Variants in KCNK1 observed in about 807,000 individuals in gnomAD.
The protein encoded by KCNK1 is potassium channel subfamily K member 1.
KCNK1 carries 10 observed loss-of-function variants against 22.2 expected under a neutral mutation model. The observed-to-expected ratio is 0.45, with a 90% CI of 0.28 to 0.76. KCNK1 has a LOEUF of 0.76. Ranked by LOEUF, KCNK1 falls within the 30% of genes least tolerant of loss-of-function variation. The pLI is 0.14. For synonymous variants in KCNK1, 200 were observed against 186.4 expected (o/e 1.07, Z -0.60); for missense variants, 378 against 421.0 (o/e 0.90, Z 0.89).
At chr1:233,633,999 A>G (rs1188506150) in intron 1 of KCNK1, among the ~76,000 whole-genome samples, 2 of 152,158 alleles carry the variant, frequency 1.3e-5, no homozygotes, top group African/African-American at 4.8e-5. Context: ...AGAAATAGAC[A>G]CACACAATAA....
At chr1:233,656,067 C>T (rs978264523) in intron 1 of KCNK1, among the ~76,000 whole-genome samples, 6 of 152,160 alleles carry the variant, frequency 3.9e-5, no homozygotes, top group African/African-American at 9.7e-5. Context: ...TTTTGTGAGA[C>T]CATCAGTAAT....
chr1:233,667,083 GC>G, intron 2 of KCNK1, 93 bp downstream of exon 2: 2 of 1,087,196 alleles, frequency 1.8e-6, no homozygotes, highest in Non-Finnish European at 2.4e-6. Context: ...TCACTCTGTT[GC>G]CCAGGCTGGA....
At chr1:233,649,701 C>T (rs1237088004) in intron 1 of KCNK1, among the ~76,000 whole-genome samples, 1 of 152,108 alleles carries the variant, frequency 6.6e-6, no homozygotes, top group Non-Finnish European at 1.5e-5. Context: ...TATAAGGGCA[C>T]TAATCTCATT....
At chr1:233,665,314 T>C (rs1197219926) in intron 1 of KCNK1, among the ~76,000 whole-genome samples, 1 of 152,196 alleles carries the variant, frequency 6.6e-6, no homozygotes, top group African/African-American at 2.4e-5. Flanking sequence ...CATTTGTGCC[T>C]TTCCATAGTG....
intron 1 of KCNK1, among the ~76,000 whole-genome samples, chr1:233,659,498 A>G (rs984050164): frequency 1.3e-5 from 2 of 151,582 alleles, no homozygotes; most frequent in African/African-American, 2.4e-5. Flanking sequence ...ACAATCTAAA[A>G]TAATGATAAA....
intron 1 of KCNK1, among the ~76,000 whole-genome samples, chr1:233,662,814 G>GT (rs1301860482): frequency 6.6e-6 from 1 of 152,152 alleles, no homozygotes; most frequent in Non-Finnish European, 1.5e-5. Context: ...TTTGAGGTCA[G>GT]TTTTTTCAGC....
chr1:233,617,797 C>T (rs1455048361), intron 1 of KCNK1, among the ~76,000 whole-genome samples: 4 of 152,202 alleles, frequency 2.6e-5, no homozygotes, highest in African/African-American at 4.8e-5. Context: ...AAAATTAGCC[C>T]GGAGTGATGG....
chr1:233,644,168 C>T (rs192084652), intron 1 of KCNK1, among the ~76,000 whole-genome samples: 14 of 152,220 alleles, frequency 9.2e-5, no homozygotes, highest in African/African-American at 2.4e-4. Flanking sequence ...AGCAGAAGAG[C>T]GCTAGAATAA....
intron 2 of KCNK1, among the ~76,000 whole-genome samples, chr1:233,668,091 A>G (rs1658530976): frequency 6.6e-6 from 1 of 152,218 alleles, no homozygotes; most frequent in Non-Finnish European, 1.5e-5. Context: ...ATCCATTTTC[A>G]AGAAACTGTT....
In KCNK1 at chr1:233,671,549, T is replaced by C. The variant is rs1176798906; in HGVS notation, c.*19T>C. ...CCATTGAGCGTAGGATTTGTTGCAT[T>C]ATGCTAGAGCACCAGGGTCAGGGTG... On this transcript the variant is annotated 3_prime_UTR_variant, in exon 3 of 3. Coordinates refer to ENST00000366621, the MANE Select transcript of KCNK1 (RefSeq NM_002245.4). The C allele has an allele frequency of 1.2e-6, 2 of 1,613,422 alleles. No homozygotes were observed. Among genetic ancestry groups the C allele is most frequent in the Non-Finnish European group, 8.5e-7 (1 of 1,179,916 alleles).
intron 2 of KCNK1, among the ~76,000 whole-genome samples, chr1:233,670,143 T>TA (rs1478669417): frequency 6.6e-6 from 1 of 152,210 alleles, no homozygotes; most frequent in Admixed American, 6.5e-5. Context: ...AACTCATTTT[T>TA]AAAATGATGG....
At chr1:233,647,039 G>T (rs1329723171) in intron 1 of KCNK1, among the ~76,000 whole-genome samples, 1 of 152,110 alleles carries the variant, frequency 6.6e-6, no homozygotes, top group Non-Finnish European at 1.5e-5. Flanking sequence ...TTAAAATCTG[G>T]CATTTCTGAG....
chr1:233,655,020 C>T (rs891032454), intron 1 of KCNK1, among the ~76,000 whole-genome samples: 3 of 152,150 alleles, frequency 2.0e-5, no homozygotes, highest in African/African-American at 7.2e-5. Flanking sequence ...CCTGTAGAGT[C>T]ATAGACACGA....
Position 233,652,231 on chromosome 1 carries a change from T to A in KCNK1, c.356-14364T>A, listed in dbSNP as rs183928535. ...GGGTGGGTTAGATCTTTGGTTGTTG[T>A]CTTAGGTCCATTCTATCTCAGAGTA... On this transcript the variant is annotated intron_variant, in intron 1 of 2. Coordinates refer to ENST00000366621, the MANE Select transcript of KCNK1 (RefSeq NM_002245.4). Among the ~76,000 whole-genome samples, 15 of 152,262 alleles carry A rather than the reference T, an allele frequency of 9.9e-5. No individual in the cohort carries two copies. In the East Asian group the frequency reaches 2.1e-3, roughly 22 times the overall value.
chr1:233,615,148 C>G (rs1439310825), intron 1 of KCNK1, among the ~76,000 whole-genome samples: 1 of 152,238 alleles, frequency 6.6e-6, no homozygotes, highest in Non-Finnish European at 1.5e-5. Context: ...CAGGTGACCT[C>G]TGGGCGGACA....
At position 233,666,820 on chromosome 1, in the gene KCNK1, G is replaced by A. The variant is rs927148226; in HGVS notation, c.581G>A (p.Cys194Tyr). Residue 194 changes from cysteine (C) to tyrosine (Y), a missense_variant, in exon 2 of 3, where the codon TGC becomes TAC. Cys to Tyr is a radical substitution (Grantham distance 194). Coordinates refer to ENST00000366621, the MANE Select transcript of KCNK1 (RefSeq NM_002245.4). ...CTCCTTGGGTTTGTCACTGTGTCCTGCTTCTTCTTCATCCCGGCCGCTGTC... is the reference window on the plus strand; with the variant it reads ...CTCCTTGGGTTTGTCACTGTGTCCTACTTCTTCTTCATCCCGGCCGCTGTC... ...AVLLGFVTVS[C>Y]FFFIPAAVFS... 1 of 1,614,196 alleles carries A rather than the reference G, an allele frequency of 6.2e-7. No homozygotes were observed.
intron 1 of KCNK1, chr1:233,650,165 A>G (rs569250396): frequency 2.5e-6 from 1 of 404,570 alleles, no homozygotes; most frequent in Admixed American, 3.0e-5. Context: ...ATCTACTGAT[A>G]AGAATGTGAT....
intron 1 of KCNK1, among the ~76,000 whole-genome samples, chr1:233,616,080 C>A (rs964021195): frequency 2.6e-5 from 4 of 152,186 alleles, no homozygotes; most frequent in Non-Finnish European, 5.9e-5. Flanking sequence ...GTCCTCTGTT[C>A]CTCAGATCAT....
At chr1:233,654,202 G>A (rs192948228) in intron 1 of KCNK1, among the ~76,000 whole-genome samples, 4 of 151,822 alleles carry the variant, frequency 2.6e-5, no homozygotes, top group South Asian at 4.2e-4. Context: ...CCATCGGGGT[G>A]GGGGGGAAAG....
Sources: gnomAD v4.1 joint callset for allele counts (sites outside exome capture counted in the v4.1 genomes callset) on GRCh38, gnomAD v4.1.1 for gene constraint, MANE v1.5 for transcripts, NCBI Gene and HGNC (gene_info 2026-07-23, HGNC 2026-07-21) for gene names.